AHCTF1: variants seen among roughly 807,000 people sequenced by gnomAD.
AHCTF1 encodes AT-hook containing transcription factor 1, also known as protein ELYS.
In AHCTF1, 24 loss-of-function variants were observed where a neutral mutation model predicts 248.4. That is an observed-to-expected ratio of 0.10 (90% CI 0.07 to 0.14). AHCTF1 has a LOEUF of 0.14. Among genes scored for constraint, AHCTF1 ranks in the 10% least tolerant of loss-of-function variants. The pLI is 1.00. For synonymous variants in AHCTF1, 786 were observed against 929.8 expected, an observed-to-expected ratio of 0.85 and a Z score of 2.81; for missense variants, 2,206 against 2,636.2, an observed-to-expected ratio of 0.84 and a Z score of 3.57.
At chr1:246,865,503 A>G (rs1397138126) in intron 26 of AHCTF1, among the ~76,000 whole-genome samples, 2 of 152,164 alleles carry the variant, frequency 1.3e-5, no homozygotes, top group Non-Finnish European at 2.9e-5. Context: ...TTTCTTCTAG[A>G]TTCTCTTCTT....
chr1:246,875,959 A>T, intron 24 of AHCTF1, 78 bp downstream of exon 24: 1 of 1,359,414 alleles, frequency 7.4e-7, no homozygotes, highest in Non-Finnish European at 9.9e-7. Context: ...AGCTAAATTT[A>T]AGGTGGTTTC....
At chr1:246,893,892 C>A (rs1232265830) in intron 14 of AHCTF1, among the ~76,000 whole-genome samples, 1 of 152,214 alleles carries the variant, frequency 6.6e-6, no homozygotes, top group East Asian at 1.9e-4. Flanking sequence ...TAATGACCTG[C>A]TGCAAAATCT....
Position 246,867,526 on chromosome 1 carries a change from A to G in AHCTF1, c.3239+135T>C, listed in dbSNP as rs1411469589. On this transcript the variant is annotated intron_variant, in intron 25 of 35. Coordinates refer to ENST00000648844, the MANE Select transcript of AHCTF1 (RefSeq NM_001323342.2). The stretch of plus-strand genomic sequence containing the variant: ...TTTTAAAAATTCTTCTCAGAAACAT[A>G]GCCAACATAAAGAGTTTTTCTTTTT... The G allele has an allele frequency of 2.7e-5, 33 of 1,204,982 alleles. 1 individual carries two copies. The highest frequency in any genetic ancestry group is 3.5e-5 in the Non-Finnish European group (30 of 859,190). 74.6% of individuals were successfully genotyped at this position (1,204,982 alleles called of 1,614,324 possible). A position where few individuals can be genotyped will look rare whatever the true frequency, so the allele number is the denominator to read the frequency against.
chr1:246,905,171 G>A (rs966959261), intron 6 of AHCTF1, among the ~76,000 whole-genome samples: 1 of 152,134 alleles, frequency 6.6e-6, no homozygotes, highest in African/African-American at 2.4e-5. Flanking sequence ...TAACTACATA[G>A]ACTACCTGTT....
chr1:246,853,354 A>C, intron 31 of AHCTF1, 55 bp from the exon 32 acceptor site: 1 of 1,425,276 alleles, frequency 7.0e-7, no homozygotes. Flanking sequence ...AAATCCACAC[A>C]CAAGGAAGCA....
Position 246,864,025 on chromosome 1 carries a change from C to T in AHCTF1, c.3439G>A (p.Val1147Ile), listed in dbSNP as rs548943647. ...GAACTTGAGGGCAGTGAACGGGATA[C>T]TAGGTACAAAGGAGATTTCATGGAG... ...QSSMKSPLYL[V>I]SRSLPSSSQL... is the part of the protein sequence containing the mutation. The change falls in exon 27 of 36, where the codon GTA becomes ATA. Residue 1147 changes from valine to isoleucine, a missense_variant. Physicochemically the swap from Val to Ile is conservative, Grantham distance 29. Transcript: ENST00000648844. 1 of 1,614,118 alleles carries T rather than the reference C, an allele frequency of 6.2e-7. No individual in the cohort carries two copies. Among genetic ancestry groups the T allele is most frequent in the East Asian group, 2.2e-5 (1 of 44,882 alleles).
chr1:246,871,254 T>A (rs1183676128), intron 24 of AHCTF1, among the ~76,000 whole-genome samples: 3 of 152,204 alleles, frequency 2.0e-5, no homozygotes, highest in African/African-American at 7.2e-5. Context: ...ATTAATGGTC[T>A]AGGTCCTCAG....
intron 5 of AHCTF1, among the ~76,000 whole-genome samples, chr1:246,906,044 A>G (rs1364375414): frequency 1.3e-5 from 2 of 152,218 alleles, no homozygotes; most frequent in African/African-American, 4.8e-5. Flanking sequence ...ACACTCCTAC[A>G]TACTGCTCAA....
intron 16 of AHCTF1, among the ~76,000 whole-genome samples, chr1:246,890,554 T>C (rs1043968578): frequency 7.2e-5 from 11 of 151,908 alleles, no homozygotes; most frequent in African/African-American, 2.7e-4. Flanking sequence ...AATCACTAGA[T>C]AAAAGGGGGT....
At chr1:246,894,179 G>A (rs543680568) in intron 14 of AHCTF1, among the ~76,000 whole-genome samples, 3 of 152,000 alleles carry the variant, frequency 2.0e-5, no homozygotes, top group Non-Finnish European at 2.9e-5. Context: ...ACTCCTGCCT[G>A]GGCAAAAAGT....
At position 246,875,736 on chromosome 1, in the gene AHCTF1, G is replaced by C. The variant is rs558897806; in HGVS notation, c.3088+301C>G. Reference sequence around the variant, plus strand: ...TCACAGAAGGCTCAGATGATCCTTAGCATTTTTTAGCAATATTGCATTTCA... The same window carrying C: ...TCACAGAAGGCTCAGATGATCCTTACCATTTTTTAGCAATATTGCATTTCA... On this transcript the variant is annotated intron_variant, in intron 24 of 35. Transcript: ENST00000648844. Among the ~76,000 whole-genome samples the C allele has an allele frequency of 2.0e-5, 3 of 152,288 alleles. No individual in the cohort carries two copies. The South Asian group carries it at 6.2e-4, about 32-fold the overall frequency.
intron 27 of AHCTF1, among the ~76,000 whole-genome samples, chr1:246,862,719 GTAAGA>G (rs4011531): frequency 0.031 from 4,786 of 152,090 alleles, 266 homozygotes; most frequent in African/African-American, 0.11. Flanking sequence ...GTGCCAATTA[GTAAGA>G]TAAATTACTT....
rs1438931878 is a variant in AHCTF1 at position 246,871,758 on chromosome 1, T to C, written c.3089-3947A>G. ...GCAGACTATAAGGAGGTTAATAATATTAAAAACATTACAGCTATTAGAGGC... is the reference window on the plus strand; with the variant it reads ...GCAGACTATAAGGAGGTTAATAATACTAAAAACATTACAGCTATTAGAGGC... On this transcript the variant is annotated intron_variant, in intron 24 of 35. Coordinates refer to ENST00000648844, the MANE Select transcript of AHCTF1 (RefSeq NM_001323342.2). Among the ~76,000 whole-genome samples, 4 of 151,940 alleles carry C rather than the reference T, an allele frequency of 2.6e-5. No individual in the cohort carries two copies. The South Asian group carries it at 8.3e-4, about 31-fold the overall frequency.
chr1:246,847,030 T>C (rs1423858860), intron 33 of AHCTF1, among the ~76,000 whole-genome samples: 1 of 152,226 alleles, frequency 6.6e-6, no homozygotes, highest in Admixed American at 6.5e-5. Flanking sequence ...CTCATGCCTA[T>C]AATCCCAGCA....
intron 24 of AHCTF1, among the ~76,000 whole-genome samples, chr1:246,873,831 G>A (rs1278564954): frequency 2.0e-5 from 3 of 152,110 alleles, no homozygotes; most frequent in African/African-American, 4.8e-5. Context: ...CCACAAAAAC[G>A]TTCCCTGTGT....
rs1227383726 is a variant in AHCTF1 at position 246,895,912 on chromosome 1, T to A, written c.1637A>T (p.Glu546Val). 1.2e-6 allele frequency: 2 copies of A among 1,613,002 alleles called. No homozygotes were observed. The highest frequency in any genetic ancestry group is 2.7e-5 in the African/African-American group (2 of 74,896). Reference protein sequence around the residue: ...PSSLSQEEQLEAILSAAIQTS... With the variant: ...PSSLSQEEQLVAILSAAIQTS... Reference sequence around the variant, plus strand: ...CTGAATTGCTGCTGACAATATAGCTTCTAACTGTTCTTCCTAAACCATGCA... The same window carrying A: ...CTGAATTGCTGCTGACAATATAGCTACTAACTGTTCTTCCTAAACCATGCA... Residue 546 changes from glutamate to valine, a missense_variant, in exon 13 of 36, where the codon GAA becomes GTA. Transcript: ENST00000648844.
chr1:246,845,716 C>T (rs564824158), intron 33 of AHCTF1, among the ~76,000 whole-genome samples: 1 of 152,250 alleles, frequency 6.6e-6, no homozygotes, highest in East Asian at 1.9e-4. Context: ...GAGTGTATGT[C>T]AATTCTTTAC....
At chr1:246,904,151 T>C (rs138639898) in intron 6 of AHCTF1, 118 bp from the exon 7 acceptor site, 3 of 751,418 alleles carry the variant, frequency 4.0e-6, no homozygotes, top group Admixed American at 5.5e-5. Flanking sequence ...CTAAAATCAC[T>C]GTGAAAAATT....
At chr1:246,893,984 G>A (rs1047488727) in intron 14 of AHCTF1, among the ~76,000 whole-genome samples, 8 of 152,008 alleles carry the variant, frequency 5.3e-5, no homozygotes, top group South Asian at 2.1e-4. Context: ...CAGGAGGATC[G>A]CTTGAGGCCA....
Sources: allele counts gnomAD v4.1 joint callset (sites outside exome capture counted in the v4.1 genomes callset), GRCh38; gene constraint gnomAD v4.1.1; transcripts MANE v1.5; gene names NCBI Gene and HGNC (gene_info 2026-07-23, HGNC 2026-07-21).